Variants in MARVELD3 observed in about 807,000 individuals in gnomAD.
MARVELD3 encodes the protein MARVEL domain containing 3, also known as MARVEL domain-containing protein 3.
Under a neutral mutation model 33.5 loss-of-function variants are expected in MARVELD3, and 28 were observed. The observed-to-expected ratio is 0.84, with a 90% confidence interval of 0.62 to 1.15. The LOEUF (loss-of-function observed/expected upper bound fraction) is 1.15, where lower values mean the gene tolerates loss of function less well. Among genes scored for constraint, MARVELD3 ranks in the 50% most tolerant of loss-of-function variants. MARVELD3 has a pLI of 0.00. For synonymous variants in MARVELD3, 241 were observed against 230.4 expected (o/e 1.05, Z -0.42); for missense variants, 582 against 547.6 (o/e 1.06, Z -0.63).
In MARVELD3 at chr16:71,634,534, A is replaced by C. The variant is rs777060017; in HGVS notation, c.937A>C (p.Ile313Leu). The C allele has an allele frequency of 6.2e-7, 1 of 1,614,186 alleles. No homozygotes were observed. The highest frequency in any genetic ancestry group is 8.5e-7 in the Non-Finnish European group (1 of 1,180,040). The change falls in exon 3 of 3, where the codon ATC becomes CTC. Residue 313 changes from isoleucine to leucine, a missense_variant. Coordinates refer to ENST00000268485, the MANE Select transcript of MARVELD3 (RefSeq NM_052858.6). ...GACCGAAGGCTTGTTGGACATGCTC[A>C]TCGCGGGGGGGTACATCCCGGCCTT... is the stretch of plus-strand genomic sequence containing the variant. ...LVTEGLLDML[I>L]AGGYIPALYF...
chr16:71,641,898 A>G (rs1327970072), exon 3 of MARVELD3: 1 of 152,206 alleles, frequency 6.6e-6, no homozygotes, highest in Non-Finnish European at 1.5e-5. Flanking sequence ...ATTACCCTGG[A>G]CTGTTCTCAT....
chr16:71,629,445 G>T lies in MARVELD3; in HGVS notation c.546G>T (p.Ala182=), dbSNP rs760691331. ...REEVEYYQSE[A]EGLLECHKCK... ...AGGTGGAATATTACCAGTCAGAGGC[G>T]GAAGGACTCCTGGAATGCCACAAAT... The change falls in exon 2 of 3, where the codon GCG becomes GCT. Residue 182 remains alanine, a synonymous_variant. Coordinates refer to ENST00000268485, the MANE Select transcript of MARVELD3 (RefSeq NM_052858.6). 6.3e-6 allele frequency: 10 copies of T among 1,579,530 alleles called. No homozygotes were observed. In the Admixed American group the frequency reaches 1.5e-4, roughly 24 times the overall value.
chr16:71,639,115 A>G (rs1255961942), downstream of MARVELD3: 1 of 114,164 alleles, frequency 8.8e-6, no homozygotes, highest in African/African-American at 3.4e-5. Context: ...CTTGTCGCCC[A>G]GGCTAGAATA....
chr16:71,630,329 T>A (rs139700787), intron 2 of MARVELD3, among the ~76,000 whole-genome samples: 15 of 136,424 alleles, frequency 1.1e-4, no homozygotes, highest in East Asian at 4.5e-4. Context: ...ATTTAAAAAA[T>A]TTTTAAAATA....
At chr16:71,641,600 T>G (rs528660695) in exon 3 of MARVELD3, 4 of 151,874 alleles carry the variant, frequency 2.6e-5, no homozygotes, top group African/African-American at 7.3e-5. Context: ...ATACAAAAAA[T>G]CATCTGGGCT....
At chr16:71,631,115 G>T (rs1288463901) in intron 2 of MARVELD3, among the ~76,000 whole-genome samples, 1 of 152,208 alleles carries the variant, frequency 6.6e-6, no homozygotes, top group East Asian at 1.9e-4. Flanking sequence ...TTCCAAAGAT[G>T]CATATGATTA....
chr16:71,640,522 C>T (rs376389459), downstream of MARVELD3: 21 of 1,614,018 alleles, frequency 1.3e-5, no homozygotes, highest in East Asian at 2.2e-5. Flanking sequence ...TACTACTCAC[C>T]GTTCGAGGGC....
At chr16:71,633,197 C>G (rs1197166793) in intron 2 of MARVELD3, among the ~76,000 whole-genome samples, 1 of 151,660 alleles carries the variant, frequency 6.6e-6, no homozygotes, top group Non-Finnish European at 1.5e-5. Context: ...ACCTTTATCA[C>G]GAGAAAATAC....
Position 71,626,400 on chromosome 16 carries a change from G to A in MARVELD3, c.171G>A (p.Arg57=). ...GGAACCGGCGAAGGGACGGGGACCG[G>A]GACCCGGAGAGAGACCAGGAGAGGG... is the stretch of plus-strand genomic sequence containing the variant. ...SDGNRRRDGD[R]DPERDQERDG... is the part of the protein sequence containing the mutation. The change falls in exon 1 of 3, where the codon CGG becomes CGA. Residue 57 remains arginine, a synonymous_variant. Coordinates refer to ENST00000268485, the MANE Select transcript of MARVELD3 (RefSeq NM_052858.6). This position sits in a 1 kb window ranked among gnomAD's most constrained non-coding sequence, Gnocchi z 5.3. The A allele has an allele frequency of 1.3e-6, 2 of 1,546,444 alleles. No homozygotes were observed. Among genetic ancestry groups the A allele is most frequent in the Non-Finnish European group, 1.7e-6 (2 of 1,145,088 alleles).
At position 71,634,861 on chromosome 16, in the gene MARVELD3, G is replaced by T; in HGVS notation, c.*58G>T. ...GTGGTGGAAGGTAGTCTGAGCCACT[G>T]CCTTTCCCAAGAATCCCTTGTTGTG... On this transcript the variant is annotated 3_prime_UTR_variant, in exon 3 of 3. Transcript: ENST00000268485. The T allele has an allele frequency of 6.6e-7, 1 of 1,521,460 alleles. No individual in the cohort carries two copies. Among genetic ancestry groups the T allele is most frequent in the Admixed American group, 2.2e-5 (1 of 44,802 alleles). The allele number at this position is 1,521,460 out of a possible 1,614,324, so 94.2% of individuals were successfully genotyped here. A position where few individuals can be genotyped will look rare whatever the true frequency, so the allele number is the denominator to read the frequency against.
intron 2 of MARVELD3, among the ~76,000 whole-genome samples, chr16:71,632,279 G>T (rs943603886): frequency 6.6e-6 from 1 of 152,160 alleles, no homozygotes; most frequent in Non-Finnish European, 1.5e-5. Context: ...TGGTTACATG[G>T]TACATAAATT....
In MARVELD3 at chr16:71,626,382, G is replaced by A. The variant is rs374529307; in HGVS notation, c.153G>A (p.Arg51=). 3.1e-5 allele frequency: 48 copies of A among 1,546,162 alleles called. No homozygotes were observed. The highest frequency in any genetic ancestry group is 2.9e-4 in the African/African-American group (21 of 72,924). The change falls in exon 1 of 3, where the codon CGG becomes CGA. Residue 51 remains arginine (R), a synonymous_variant. Coordinates refer to ENST00000268485, the MANE Select transcript of MARVELD3 (RefSeq NM_052858.6). This position sits in a 1 kb window ranked among gnomAD's most constrained non-coding sequence, Gnocchi z 5.3. ...PRRKRSSDGN[R]RRDGDRDPER... Reference sequence around the variant, plus strand: ...GGAAGCGAAGCAGCGACGGGAACCGGCGAAGGGACGGGGACCGGGACCCGG... The same window carrying A: ...GGAAGCGAAGCAGCGACGGGAACCGACGAAGGGACGGGGACCGGGACCCGG...
downstream of MARVELD3, chr16:71,640,685 G>A (rs769189588): frequency 1.9e-6 from 3 of 1,614,254 alleles, no homozygotes; most frequent in South Asian, 3.3e-5. Flanking sequence ...TGTTGTCAGG[G>A]AAGTGGCTCC....
chr16:71,637,220 G>A (rs759448175), downstream of MARVELD3, among the ~76,000 whole-genome samples: 3 of 152,136 alleles, frequency 2.0e-5, no homozygotes, highest in Non-Finnish European at 4.4e-5. Flanking sequence ...GTCAGTTGGC[G>A]CAGTCAACAG....
intron 1 of MARVELD3, among the ~76,000 whole-genome samples, chr16:71,628,389 T>C (rs1049136008): frequency 6.6e-6 from 1 of 151,952 alleles, no homozygotes; most frequent in Non-Finnish European, 1.5e-5. Flanking sequence ...ACAAAAAAAT[T>C]AGCAGAGCGC....
At chr16:71,639,807 G>A (rs576519122), downstream of MARVELD3, among the ~76,000 whole-genome samples, 12 of 152,244 alleles carry the variant, frequency 7.9e-5, no homozygotes, top group African/African-American at 2.6e-4. Context: ...GTACCCGTTT[G>A]TGTAACCAGA....
In MARVELD3 at chr16:71,634,648, G is replaced by C. The variant is rs368906441; in HGVS notation, c.1051G>C (p.Gly351Arg). Residue 351 changes from glycine (G) to arginine (R), a missense_variant, in exon 3 of 3, where the codon GGT becomes CGT. Coordinates refer to ENST00000268485, the MANE Select transcript of MARVELD3 (RefSeq NM_052858.6). ...QALYQSKGYS[G>R]FGCSFHGADI... Reference sequence around the variant, plus strand: ...GCTGTACCAAAGCAAAGGCTACAGCGGTTTCGGCTGCAGTTTCCACGGAGC... The same window carrying C: ...GCTGTACCAAAGCAAAGGCTACAGCCGTTTCGGCTGCAGTTTCCACGGAGC... 3 of 1,614,086 alleles carry C rather than the reference G, an allele frequency of 1.9e-6. No homozygotes were observed. Among genetic ancestry groups the C allele is most frequent in the Non-Finnish European group, 2.5e-6 (3 of 1,180,042 alleles).
downstream of MARVELD3, among the ~76,000 whole-genome samples, chr16:71,637,429 A>AATG (rs1407082854): frequency 6.6e-6 from 1 of 152,196 alleles, no homozygotes; most frequent in Non-Finnish European, 1.5e-5. Context: ...CATGAATTAA[A>AATG]ATGATGTCTG....
downstream of MARVELD3, chr16:71,640,658 A>G (rs1457828028): frequency 6.2e-7 from 1 of 1,614,188 alleles, no homozygotes. Flanking sequence ...TACTCCAAGG[A>G]GCCAAGAGTC....
Sources: gnomAD v4.1 joint callset for allele counts (sites outside exome capture counted in the v4.1 genomes callset) on GRCh38, gnomAD v4.1.1 for gene constraint, Gnocchi (gnomAD v3.1) non-coding constraint, MANE v1.5 for transcripts, NCBI Gene and HGNC (gene_info 2026-07-23, HGNC 2026-07-21) for gene names.